FHIT: variants seen among roughly 807,000 people sequenced by gnomAD.
The protein encoded by FHIT is bis(5'-adenosyl)-triphosphatase.
FHIT carries 19 observed loss-of-function variants against 17.9 expected under a neutral mutation model. The ratio of observed to expected loss-of-function variants is 1.06; its 90% CI spans 0.74 to 1.56. The LOEUF is 1.56. Ranked by LOEUF, FHIT falls within the 40% of genes most tolerant of loss-of-function variation. FHIT has a pLI of 0.00. For missense variants in FHIT, 248 were observed against 189.2 expected (o/e 1.31, Z -1.82); for synonymous variants, 81 against 69.7 (o/e 1.16, Z -0.81).
intron 3 of FHIT, among the ~76,000 whole-genome samples, chr3:60,942,050 A>G (rs1478610695): frequency 6.6e-6 from 1 of 152,054 alleles, no homozygotes; most frequent in Non-Finnish European, 1.5e-5. Context: ...CAATGGCACA[A>G]TTGGCTCGCT....
At chr3:60,642,494 C>T (rs1020571513) in intron 4 of FHIT, among the ~76,000 whole-genome samples, 2 of 152,174 alleles carry the variant, frequency 1.3e-5, no homozygotes, top group Admixed American at 6.5e-5. Flanking sequence ...CACACCCTCC[C>T]CATGGGGGAA....
chr3:60,467,203 T>C (rs1320502508), intron 5 of FHIT, among the ~76,000 whole-genome samples: 1 of 151,950 alleles, frequency 6.6e-6, no homozygotes, highest in Non-Finnish European at 1.5e-5. Flanking sequence ...ATGATATCAA[T>C]TGTAATGTCT....
At chr3:60,963,687 G>A (rs1456317172) in intron 3 of FHIT, among the ~76,000 whole-genome samples, 3 of 149,088 alleles carry the variant, frequency 2.0e-5, no homozygotes, top group African/African-American at 4.9e-5. Context: ...TTGGTTATGT[G>A]CCCAGTAGTC....
rs191081246 is a variant in FHIT, at chr3:61,210,635, G to A, written c.-212-9970C>T. 7.2e-5 allele frequency among the ~76,000 whole-genome samples: 11 copies of A among 152,336 alleles called. No homozygotes were observed. In the East Asian group the frequency reaches 1.6e-3, roughly 22 times the overall value. On this transcript the variant is annotated intron_variant, in intron 1 of 9. Coordinates refer to ENST00000492590, the MANE Select transcript of FHIT (RefSeq NM_002012.4). ...GCGGTATATAATCTCCTGGTGTGCCGTTTGTTAATCCTGCTGGAAAAGTGC... is the reference window on the plus strand; with the variant it reads ...GCGGTATATAATCTCCTGGTGTGCCATTTGTTAATCCTGCTGGAAAAGTGC...
chr3:61,171,013 T>C (rs1433838072), intron 2 of FHIT, among the ~76,000 whole-genome samples: 1 of 152,180 alleles, frequency 6.6e-6, no homozygotes, highest in Middle Eastern at 3.2e-3. Context: ...CTTTAGGTCT[T>C]TGAGGAATCA....
chr3:59,880,194 T>C (rs1261415093), intron 8 of FHIT, among the ~76,000 whole-genome samples: 1 of 152,182 alleles, frequency 6.6e-6, no homozygotes, highest in African/African-American at 2.4e-5. Context: ...CTCTGCTCGT[T>C]TGTCTTTGGC....
chr3:60,401,216 T>G (rs1701644794), intron 5 of FHIT, among the ~76,000 whole-genome samples: 1 of 152,186 alleles, frequency 6.6e-6, no homozygotes, highest in African/African-American at 2.4e-5. Flanking sequence ...TTATGTACTT[T>G]GAAGTGAAAT....
intron 5 of FHIT, among the ~76,000 whole-genome samples, chr3:60,060,830 C>A (rs1277829185): frequency 6.6e-6 from 1 of 152,180 alleles, no homozygotes; most frequent in Admixed American, 6.5e-5. Flanking sequence ...TTTGATTTCT[C>A]TTATTAATTA....
Position 60,827,745 on chromosome 3 carries a change from G to A in FHIT, c.-110-5734C>T, listed in dbSNP as rs567096744. Among the ~76,000 whole-genome samples the A allele has an allele frequency of 4.6e-5, 7 of 152,320 alleles. No homozygotes were observed. The South Asian group carries it at 8.3e-4, about 18-fold the overall frequency. On this transcript the variant is annotated intron_variant, in intron 3 of 9. Coordinates refer to ENST00000492590, the MANE Select transcript of FHIT (RefSeq NM_002012.4). ...GGGAGCTGTGCACTAAAATGGGATG[G>A]GTGATAAGAACATCTCTCTCCAGCT...
intron 2 of FHIT, among the ~76,000 whole-genome samples, chr3:61,153,034 T>C (rs1054742945): frequency 6.6e-6 from 1 of 151,582 alleles, no homozygotes; most frequent in Non-Finnish European, 1.5e-5. Flanking sequence ...TCTCAACTAC[T>C]CAGGAGGCTG....
intron 5 of FHIT, among the ~76,000 whole-genome samples, chr3:60,445,923 AG>A (rs1210707236): frequency 6.6e-6 from 1 of 152,158 alleles, no homozygotes; most frequent in Non-Finnish European, 1.5e-5. Flanking sequence ...ATCATTCAAA[AG>A]CCTGTGTTGA....
intron 8 of FHIT, among the ~76,000 whole-genome samples, chr3:59,837,900 A>G (rs1430237375): frequency 6.6e-6 from 1 of 152,082 alleles, no homozygotes; most frequent in Non-Finnish European, 1.5e-5. Flanking sequence ...AAGGTTGTGG[A>G]CAGATGAAGT....
At chr3:60,504,113 T>C (rs1044613325) in intron 5 of FHIT, among the ~76,000 whole-genome samples, 6 of 152,186 alleles carry the variant, frequency 3.9e-5, no homozygotes, top group Non-Finnish European at 1.5e-5. Flanking sequence ...TCCAACCATA[T>C]TGATAGCCAC....
At chr3:60,275,871 T>C (rs569354792) in intron 5 of FHIT, among the ~76,000 whole-genome samples, 1 of 152,326 alleles carries the variant, frequency 6.6e-6, no homozygotes, top group South Asian at 2.1e-4. Context: ...AGACTTCTTT[T>C]TATGTGTGCA....
At chr3:59,968,353 T>C (rs529957539) in intron 7 of FHIT, among the ~76,000 whole-genome samples, 1 of 152,064 alleles carries the variant, frequency 6.6e-6, no homozygotes, top group South Asian at 2.1e-4. Flanking sequence ...CAGAAACCTA[T>C]ATGAACTTTA....
chr3:60,315,105 G>T (rs1709107352), intron 5 of FHIT, among the ~76,000 whole-genome samples: 1 of 152,062 alleles, frequency 6.6e-6, no homozygotes, highest in South Asian at 2.1e-4. Context: ...CGAGAGAAAG[G>T]GAAAGATGCC....
chr3:60,493,687 C>A (rs1325745058), intron 5 of FHIT, among the ~76,000 whole-genome samples: 3 of 151,964 alleles, frequency 2.0e-5, no homozygotes, highest in Admixed American at 2.0e-4. Context: ...TTTTGACAAC[C>A]CATAAATATT....
At chr3:60,843,659 G>A (rs545340558) in intron 3 of FHIT, among the ~76,000 whole-genome samples, 4 of 139,262 alleles carry the variant, frequency 2.9e-5, no homozygotes, top group African/African-American at 1.1e-4. Context: ...ATCACAGGCT[G>A]CTTCTCCAAA....
intron 4 of FHIT, among the ~76,000 whole-genome samples, chr3:60,666,647 G>A (rs72872798): frequency 0.12 from 18,300 of 152,078 alleles, 2,170 homozygotes; most frequent in African/African-American, 0.31. Flanking sequence ...TAAGTTTTCA[G>A]TCATCATTTC....
Sources: gnomAD v4.1 joint callset for allele counts (sites outside exome capture counted in the v4.1 genomes callset) on GRCh38, gnomAD v4.1.1 for gene constraint, MANE v1.5 for transcripts, NCBI Gene and HGNC (gene_info 2026-07-23, HGNC 2026-07-21) for gene names.